Variants in EPB41L3 observed in about 807,000 individuals in gnomAD.
EPB41L3 encodes the protein erythrocyte membrane protein band 4.1 like 3, also known as band 4.1-like protein 3.
EPB41L3 carries 57 observed loss-of-function variants against 127.1 expected under a neutral mutation model. The observed-to-expected ratio is 0.45, with a 90% confidence interval of 0.36 to 0.56. EPB41L3 has a LOEUF of 0.56. Among genes scored for constraint, EPB41L3 ranks in the 20% least tolerant of loss-of-function variants. The probability of loss-of-function intolerance (pLI) is 0.00; values close to 1 mark genes in which losing one functional copy is unlikely to be tolerated. For synonymous variants in EPB41L3, 572 were observed against 549.5 expected (o/e 1.04, Z -0.57); for missense variants, 1,273 against 1,372.2 (o/e 0.93, Z 1.14).
intron 3 of EPB41L3, among the ~76,000 whole-genome samples, chr18:5,554,941 A>G (rs1341137321): frequency 6.6e-6 from 1 of 152,222 alleles, no homozygotes; most frequent in Non-Finnish European, 1.5e-5. Context: ...AGCAGTGAAT[A>G]CTTTTACGGG....
chr18:5,533,746 C>A (rs2148960778), intron 1 of EPB41L3, among the ~76,000 whole-genome samples: 1 of 152,302 alleles, frequency 6.6e-6, no homozygotes, highest in South Asian at 2.1e-4. Flanking sequence ...CCATTCTGAC[C>A]ATTATGCTAC....
intron 8 of EPB41L3, chr18:5,431,498 A>C (rs2079003208): frequency 6.6e-6 from 1 of 152,202 alleles, no homozygotes; most frequent in Admixed American, 6.5e-5. Context: ...AATTGGCATA[A>C]TTTGAAATCA....
chr18:5,605,774 T>C (rs1023468751), intron 3 of EPB41L3, among the ~76,000 whole-genome samples: 7 of 152,096 alleles, frequency 4.6e-5, no homozygotes, highest in African/African-American at 1.2e-4. Context: ...AGTACATTCA[T>C]CACTCCCATA....
At chr18:5,446,784 T>C (rs982179758) in intron 3 of EPB41L3, among the ~76,000 whole-genome samples, 1 of 152,242 alleles carries the variant, frequency 6.6e-6, no homozygotes, top group Non-Finnish European at 1.5e-5. Context: ...CCATAAAGTA[T>C]TATGAAAATA....
intron 3 of EPB41L3, among the ~76,000 whole-genome samples, chr18:5,573,269 CAA>C (rs1253002305): frequency 6.6e-6 from 1 of 152,174 alleles, no homozygotes; most frequent in Non-Finnish European, 1.5e-5. Flanking sequence ...AGACGCAATT[CAA>C]AGTCATCTCA....
chr18:5,434,051 C>A lies in EPB41L3; in HGVS notation c.676G>T (p.Ala226Ser). Residue 226 changes from alanine (A) to serine (S), a missense_variant, in exon 7 of 23, where the codon GCC (alanine) becomes TCC (serine). Ala to Ser is a moderately conservative substitution (Grantham distance 99). Transcript: ENST00000341928. ...TGGACAGTGTAGGAGCCCAGCAAGGCCAGGGTAACAAAGGAGCAGGGCAGC... is the reference window on the plus strand; with the variant it reads ...TGGACAGTGTAGGAGCCCAGCAAGGACAGGGTAACAAAGGAGCAGGGCAGC... ...GRLPCSFVTL[A>S]LLGSYTVQSE... The A allele has an allele frequency of 6.2e-7, 1 of 1,614,086 alleles. No individual in the cohort carries two copies. The highest frequency in any genetic ancestry group is 1.3e-5 in the African/African-American group (1 of 75,010).
At chr18:5,576,798 T>C (rs916832745) in intron 3 of EPB41L3, among the ~76,000 whole-genome samples, 1 of 152,246 alleles carries the variant, frequency 6.6e-6, no homozygotes, top group Non-Finnish European at 1.5e-5. Flanking sequence ...TTCACTATAC[T>C]TCTGTGTAAT....
intron 14 of EPB41L3, among the ~76,000 whole-genome samples, chr18:5,409,971 T>C (rs1216178749): frequency 2.0e-5 from 3 of 152,124 alleles, no homozygotes; most frequent in African/African-American, 7.2e-5. Context: ...CACTGTTTAA[T>C]GTGATTATAT....
intron 3 of EPB41L3, among the ~76,000 whole-genome samples, chr18:5,567,869 G>C (rs1245657070): frequency 6.6e-6 from 1 of 152,024 alleles, no homozygotes; most frequent in African/African-American, 2.4e-5. Context: ...TCTAATCATT[G>C]TAACAATCAC....
chr18:5,441,316 T>C (rs75474181), intron 5 of EPB41L3, among the ~76,000 whole-genome samples: 2,185 of 152,302 alleles, frequency 0.014, 21 homozygotes, highest in South Asian at 0.042. Context: ...TTATCATTTA[T>C]ATTTTGGAAG....
At chr18:5,598,271 C>T (rs371181507) in intron 3 of EPB41L3, among the ~76,000 whole-genome samples, 1 of 152,066 alleles carries the variant, frequency 6.6e-6, no homozygotes, top group East Asian at 1.9e-4. Flanking sequence ...AACAGTGTAT[C>T]GTAACAGATT....
At position 5,397,205 on chromosome 18, in the gene EPB41L3, C is replaced by T. The variant is rs79015463; in HGVS notation, c.2694G>A (p.Thr898=). ...CCCCTCCTTCCTCTTTAGCCCCCTC[C>T]GTCAAGGCAGAGCCCTCTTTCCCTT... is the stretch of plus-strand genomic sequence containing the variant. The part of the protein sequence containing the change: ...GIKGKEGSAL[T]EGAKEEGGEE... Residue 898 remains threonine (T), a synonymous_variant, in exon 18 of 23, where the codon ACG becomes ACA. Transcript: ENST00000341928. The surrounding 1 kb of genome is among the most constrained non-coding windows in gnomAD (Gnocchi z 4.1). 9.4e-5 allele frequency: 151 copies of T among 1,614,152 alleles called. No homozygotes were observed. The highest frequency in any genetic ancestry group is 9.2e-4 in the South Asian group (84 of 91,084).
intron 3 of EPB41L3, among the ~76,000 whole-genome samples, chr18:5,462,319 A>G (rs1300107447): frequency 6.6e-6 from 1 of 152,238 alleles, no homozygotes; most frequent in Non-Finnish European, 1.5e-5. Flanking sequence ...AAAAAGCCAA[A>G]TTAAATAAAT....
At chr18:5,407,954 G>A (rs2075682679) in intron 14 of EPB41L3, among the ~76,000 whole-genome samples, 1 of 152,188 alleles carries the variant, frequency 6.6e-6, no homozygotes, top group African/African-American at 2.4e-5. Flanking sequence ...TTCTTGCCTG[G>A]TGGGTCTTTG....
intron 3 of EPB41L3, among the ~76,000 whole-genome samples, chr18:5,464,183 A>C (rs907224657): frequency 3.9e-5 from 6 of 152,234 alleles, no homozygotes; most frequent in African/African-American, 1.4e-4. Flanking sequence ...GGAAATTTAA[A>C]GAATTAAACT....
chr18:5,396,926 G>A (rs2073615804), intron 18 of EPB41L3, 132 bp downstream of exon 18: 4 of 959,556 alleles, frequency 4.2e-6, no homozygotes, highest in Admixed American at 2.5e-5. Flanking sequence ...AGAAGGAAAT[G>A]AGAGGAGAAA....
chr18:5,620,133 A>T (rs935414626), intron 1 of EPB41L3, among the ~76,000 whole-genome samples: 5 of 96,224 alleles, frequency 5.2e-5, no homozygotes, highest in Non-Finnish European at 1.1e-4. Flanking sequence ...TATCAAGTTT[A>T]AAAAAAAAAG....
chr18:5,458,038 A>T (rs1261996538), intron 3 of EPB41L3, among the ~76,000 whole-genome samples: 5 of 152,122 alleles, frequency 3.3e-5, no homozygotes, highest in Non-Finnish European at 4.4e-5. Flanking sequence ...ACATTTTTTT[A>T]AAAATATCAA....
chr18:5,610,335 G>C, intron 3 of EPB41L3: 4 of 982,114 alleles, frequency 4.1e-6, no homozygotes, highest in Non-Finnish European at 4.8e-6. Context: ...CTCCTTTCTA[G>C]AAGCCACCCC....
Sources: allele counts gnomAD v4.1 joint callset (sites outside exome capture counted in the v4.1 genomes callset), GRCh38; gene constraint gnomAD v4.1.1; non-coding constraint Gnocchi (gnomAD v3.1); transcripts MANE v1.5; gene names NCBI Gene and HGNC (gene_info 2026-07-23, HGNC 2026-07-21).